FOXP2: variants seen among roughly 807,000 people sequenced by gnomAD.
FOXP2 encodes the protein forkhead box protein P2.
In FOXP2, 12 loss-of-function variants were observed where a neutral mutation model predicts 115.8. That is an observed-to-expected ratio of 0.10 (90% CI 0.07 to 0.17). FOXP2 has a LOEUF of 0.17. Among genes scored for constraint, FOXP2 ranks in the 10% least tolerant of loss-of-function variants. The pLI is 1.00. For missense variants in FOXP2, 629 were observed against 843.5 expected (o/e 0.75, Z 3.15); for synonymous variants, 328 against 297.7 (o/e 1.10, Z -1.05).
chr7:114,307,015 T>C (rs1282077032), intron 2 of FOXP2, among the ~76,000 whole-genome samples: 2 of 152,164 alleles, frequency 1.3e-5, no homozygotes, highest in Non-Finnish European at 2.9e-5. Context: ...CTTAATTCCA[T>C]CTGCAATCTT....
chr7:114,421,370 A>G (rs1430856726), intron 1 of FOXP2, among the ~76,000 whole-genome samples: 2 of 151,564 alleles, frequency 1.3e-5, no homozygotes, highest in African/African-American at 4.8e-5. Context: ...AGATTTTGTT[A>G]TTGTTGAAGA....
At chr7:114,327,463 A>G (rs1032247983) in intron 2 of FOXP2, among the ~76,000 whole-genome samples, 1 of 151,952 alleles carries the variant, frequency 6.6e-6, no homozygotes, top group Non-Finnish European at 1.5e-5. Flanking sequence ...GATACTATGT[A>G]GGTCATACTG....
At chr7:114,425,779 C>T (rs1424614021) in intron 1 of FOXP2, among the ~76,000 whole-genome samples, 4 of 151,444 alleles carry the variant, frequency 2.6e-5, no homozygotes, top group Non-Finnish European at 5.9e-5. Context: ...GATTGCTGCT[C>T]ATGCATAAGC....
At chr7:114,578,332 G>A (rs886431998) in intron 3 of FOXP2, among the ~76,000 whole-genome samples, 5 of 151,976 alleles carry the variant, frequency 3.3e-5, no homozygotes, top group Admixed American at 6.6e-5. Context: ...AAAATTCAAA[G>A]GAAGGGATGT....
intron 2 of FOXP2, among the ~76,000 whole-genome samples, chr7:114,476,990 A>T (rs1238023258): frequency 6.6e-6 from 1 of 152,078 alleles, no homozygotes; most frequent in Non-Finnish European, 1.5e-5. Context: ...ATTATCAAAA[A>T]GTCAAAAGAA....
chr7:114,560,088 T>A (rs902556501), intron 3 of FOXP2, among the ~76,000 whole-genome samples: 1 of 152,172 alleles, frequency 6.6e-6, no homozygotes, highest in African/African-American at 2.4e-5. Flanking sequence ...AGTGTTATTT[T>A]AAATTTAGAA....
chr7:114,260,698 G>T (rs941551305), intron 1 of FOXP2, among the ~76,000 whole-genome samples: 2 of 151,964 alleles, frequency 1.3e-5, no homozygotes, highest in Non-Finnish European at 2.9e-5. Context: ...CTTTTAATTA[G>T]ACACAAACAC....
At chr7:114,519,595 T>C (rs1158075505) in intron 2 of FOXP2, among the ~76,000 whole-genome samples, 3 of 152,124 alleles carry the variant, frequency 2.0e-5, no homozygotes, top group African/African-American at 7.2e-5. Flanking sequence ...TGGTGAGTAG[T>C]CTGTTAGGTG....
intron 2 of FOXP2, among the ~76,000 whole-genome samples, chr7:114,501,251 A>G (rs1314538864): frequency 1.3e-5 from 2 of 152,134 alleles, no homozygotes; most frequent in Non-Finnish European, 2.9e-5. Flanking sequence ...TATTAAGGTT[A>G]GTTACGCCAA....
intron 8 of FOXP2, among the ~76,000 whole-genome samples, chr7:114,648,789 C>G (rs1226594030): frequency 6.6e-6 from 1 of 152,012 alleles, no homozygotes; most frequent in Non-Finnish European, 1.5e-5. Flanking sequence ...ATTTTGAAAA[C>G]AAAAATCAAT....
chr7:114,441,409 C>T (rs1794600515), intron 2 of FOXP2, among the ~76,000 whole-genome samples: 1 of 151,964 alleles, frequency 6.6e-6, no homozygotes, highest in South Asian at 2.1e-4. Context: ...GCCAAGATCA[C>T]ATCACTGCAC....
At chr7:114,219,887 C>T (rs1035362040) in intron 1 of FOXP2, among the ~76,000 whole-genome samples, 1 of 150,984 alleles carries the variant, frequency 6.6e-6, no homozygotes, top group Non-Finnish European at 1.5e-5. Context: ...AATGGAGTTT[C>T]GCTGTTGTTG....
At chr7:114,436,831 TTAGC>T (rs764690500) in intron 2 of FOXP2, among the ~76,000 whole-genome samples, 11 of 152,102 alleles carry the variant, frequency 7.2e-5, no homozygotes, top group Non-Finnish European at 1.5e-4. Context: ...TGAGTAGAAG[TTAGC>T]TAGATCAAAG....
At chr7:114,573,696 G>A (rs59676751) in intron 3 of FOXP2, among the ~76,000 whole-genome samples, 18,466 of 151,460 alleles carry the variant, frequency 0.12, 2,623 homozygotes, top group African/African-American at 0.34. Context: ...GTTCCAAATT[G>A]GTGGATTAAA....
At position 114,644,700 on chromosome 7, in the gene FOXP2, G is replaced by T. The variant is rs767426318; in HGVS notation, c.1005G>T (p.Glu335Asp). The change falls in exon 8 of 17, where the codon GAG (glutamate) becomes GAT (aspartate). Residue 335 changes from glutamate to aspartate, a missense_variant. By Grantham distance (45) the Glu-to-Asp change is conservative (BLOSUM62 2). This residue lies in a region of FOXP2 where 92 missense variants were observed against 80.1 expected (regional missense o/e 1.15). Coordinates refer to ENST00000350908, the MANE Select transcript of FOXP2 (RefSeq NM_014491.4). ...TTTGCTACAGCTCGTCACATGAGGA[G>T]ACTGGGGCCTCTCACACTCTCTATG... ...SARRDSSSHE[E>D]TGASHTLYGH... 6.2e-7 allele frequency: 1 copy of T among 1,613,888 alleles called. No individual in the cohort carries two copies. Among genetic ancestry groups the T allele is most frequent in the South Asian group, 1.1e-5 (1 of 91,080 alleles).
chr7:114,571,751 A>T (rs975719850), intron 3 of FOXP2, among the ~76,000 whole-genome samples: 1 of 151,886 alleles, frequency 6.6e-6, no homozygotes, highest in African/African-American at 2.4e-5. Flanking sequence ...TAAAGTATAC[A>T]GGAGGATGTG....
At chr7:114,315,378 A>G (rs529371121) in intron 2 of FOXP2, among the ~76,000 whole-genome samples, 1 of 152,288 alleles carries the variant, frequency 6.6e-6, no homozygotes, top group East Asian at 1.9e-4. Flanking sequence ...GGTTCAGTTA[A>G]TATTTAAATT....
rs573566628 is a variant in FOXP2, at chr7:114,644,718, T to C, written c.1023T>C (p.Thr341=). 5 of 1,613,956 alleles carry C rather than the reference T, an allele frequency of 3.1e-6. No individual in the cohort carries two copies. In the African/African-American group the frequency reaches 6.7e-5, roughly 22 times the overall value. ...SSHEETGASH[T]LYGHGVCKWP... ...ATGAGGAGACTGGGGCCTCTCACACTCTCTATGGCCATGGAGTTTGCAAAT... is the reference window on the plus strand; with the variant it reads ...ATGAGGAGACTGGGGCCTCTCACACCCTCTATGGCCATGGAGTTTGCAAAT... Residue 341 remains threonine (T), a synonymous_variant, in exon 8 of 17, where the codon ACT becomes ACC. Transcript: ENST00000350908.
intron 2 of FOXP2, among the ~76,000 whole-genome samples, chr7:114,446,070 TATC>T (rs1457281303): frequency 7.9e-6 from 1 of 125,890 alleles, no homozygotes; most frequent in African/African-American, 2.7e-5. Flanking sequence ...ATTAAAAAGA[TATC>T]ATAAGTCTGA....
Sources: gnomAD v4.1 joint callset for allele counts (sites outside exome capture counted in the v4.1 genomes callset) on GRCh38, gnomAD v4.1.1 for gene constraint, gnomAD v4.1.1 regional missense constraint, MANE v1.5 for transcripts, NCBI Gene and HGNC (gene_info 2026-07-23, HGNC 2026-07-21) for gene names.